Variants in NKAIN3 observed in about 807,000 individuals in gnomAD.
The protein encoded by NKAIN3 is sodium/potassium transporting ATPase interacting 3.
In NKAIN3, 25 loss-of-function variants were observed where a neutral mutation model predicts 30.2. The ratio of observed to expected loss-of-function variants is 0.83; its 90% confidence interval spans 0.60 to 1.16. The LOEUF (loss-of-function observed/expected upper bound fraction) is 1.16, where lower values mean the gene tolerates loss of function less well. Ranked by LOEUF, NKAIN3 falls within the 50% of genes most tolerant of loss-of-function variation. The pLI is 0.00. For synonymous variants in NKAIN3, 91 were observed against 89.6 expected, an observed-to-expected ratio of 1.02 and a Z score of -0.09; for missense variants, 225 against 254.1, an observed-to-expected ratio of 0.89 and a Z score of 0.78.
chr8:62,257,653 C>T (rs1812305374), intron 1 of NKAIN3, among the ~76,000 whole-genome samples: 1 of 152,140 alleles, frequency 6.6e-6, no homozygotes, highest in East Asian at 1.9e-4. Flanking sequence ...TCCATAGGGA[C>T]AGATTTCTAT....
intron 4 of NKAIN3, among the ~76,000 whole-genome samples, chr8:62,830,883 T>G (rs914534771): frequency 1.3e-5 from 2 of 152,214 alleles, no homozygotes; most frequent in Non-Finnish European, 2.9e-5. Context: ...TGCTTGTGCC[T>G]GCCATTGGTG....
chr8:62,579,035 A>C (rs1345357478), intron 1 of NKAIN3, among the ~76,000 whole-genome samples: 2 of 152,160 alleles, frequency 1.3e-5, no homozygotes, highest in Non-Finnish European at 1.5e-5. Context: ...AAAACAATTA[A>C]AATAGTGGAA....
At chr8:62,946,604 T>A (rs1296547064) in intron 5 of NKAIN3, among the ~76,000 whole-genome samples, 1 of 152,170 alleles carries the variant, frequency 6.6e-6, no homozygotes, top group Non-Finnish European at 1.5e-5. Flanking sequence ...TCAAGCCTCT[T>A]CCCCAGCTTT....
intron 4 of NKAIN3, among the ~76,000 whole-genome samples, chr8:62,851,167 T>A (rs1297702953): frequency 1.3e-5 from 2 of 152,160 alleles, no homozygotes; most frequent in African/African-American, 4.8e-5. Context: ...GAAGAGGTCC[T>A]TCACATCCCT....
chr8:62,816,918 C>T (rs984559030), intron 4 of NKAIN3, among the ~76,000 whole-genome samples: 1 of 152,160 alleles, frequency 6.6e-6, no homozygotes, highest in African/African-American at 2.4e-5. Flanking sequence ...GGCTCAGGAC[C>T]TGCAAGAGTT....
At chr8:62,657,441 A>C (rs1010943374) in intron 3 of NKAIN3, among the ~76,000 whole-genome samples, 3 of 152,242 alleles carry the variant, frequency 2.0e-5, no homozygotes, top group Non-Finnish European at 4.4e-5. Context: ...GCAAGAGAAC[A>C]GGACTTTCAC....
At chr8:62,792,376 T>C (rs1385127860) in intron 4 of NKAIN3, among the ~76,000 whole-genome samples, 1 of 152,190 alleles carries the variant, frequency 6.6e-6, no homozygotes. Flanking sequence ...GATTACAGAA[T>C]AAATTAGCAG....
intron 3 of NKAIN3, among the ~76,000 whole-genome samples, chr8:62,642,550 C>G (rs892162385): frequency 6.6e-6 from 1 of 152,030 alleles, no homozygotes; most frequent in Non-Finnish European, 1.5e-5. Flanking sequence ...TGGTACAATG[C>G]TAAACAATAT....
intron 4 of NKAIN3, among the ~76,000 whole-genome samples, chr8:62,854,588 T>C (rs1820005672): frequency 6.6e-6 from 1 of 152,232 alleles, no homozygotes; most frequent in Admixed American, 6.5e-5. Context: ...CCTCTGTGTG[T>C]CTTTGCATGT....
intron 1 of NKAIN3, among the ~76,000 whole-genome samples, chr8:62,302,373 T>A (rs1814079011): frequency 6.6e-6 from 1 of 152,122 alleles, no homozygotes; most frequent in Non-Finnish European, 1.5e-5. Context: ...TACAGGTCAA[T>A]ATTTCAAAGA....
intron 3 of NKAIN3, among the ~76,000 whole-genome samples, chr8:62,627,682 TCTC>T (rs1811833289): frequency 6.6e-6 from 1 of 152,006 alleles, no homozygotes; most frequent in South Asian, 2.1e-4. Context: ...AGCTTAAAAA[TCTC>T]CTTTTCTCTT....
At chr8:62,552,238 G>A (rs827706) in intron 1 of NKAIN3, among the ~76,000 whole-genome samples, 138,342 of 152,264 alleles carry the variant, frequency 0.91, 63,047 homozygotes, top group African/African-American at 0.97. Flanking sequence ...ATTTATTCTA[G>A]TTAACTTGGT....
intron 4 of NKAIN3, among the ~76,000 whole-genome samples, chr8:62,853,347 T>C (rs1819968655): frequency 6.6e-6 from 1 of 152,196 alleles, no homozygotes; most frequent in African/African-American, 2.4e-5. Context: ...CCTATGTGTG[T>C]CTCTGCACGT....
At chr8:62,816,057 G>T (rs114176418) in intron 4 of NKAIN3, among the ~76,000 whole-genome samples, 1,960 of 152,230 alleles carry the variant, frequency 0.013, 39 homozygotes, top group African/African-American at 0.043. Flanking sequence ...TTACTGAAGA[G>T]TTATTGTGTT....
chr8:62,554,261 C>T (rs1809314720), intron 1 of NKAIN3, among the ~76,000 whole-genome samples: 1 of 152,126 alleles, frequency 6.6e-6, no homozygotes, highest in Non-Finnish European at 1.5e-5. Context: ...GTTTTACTTA[C>T]ATCAGTGAGC....
intron 3 of NKAIN3, among the ~76,000 whole-genome samples, chr8:62,689,312 C>T (rs1324704027): frequency 6.6e-6 from 1 of 152,156 alleles, no homozygotes; most frequent in Non-Finnish European, 1.5e-5. Context: ...TAGGCTCCTG[C>T]TCACAGAACA....
intron 4 of NKAIN3, among the ~76,000 whole-genome samples, chr8:62,838,658 T>G (rs1819441823): frequency 1.3e-5 from 2 of 152,112 alleles, no homozygotes; most frequent in South Asian, 4.1e-4. Context: ...AAGCCTTTTG[T>G]ATTTGTGAGA....
At chr8:62,890,200 T>C (rs572115598) in intron 4 of NKAIN3, among the ~76,000 whole-genome samples, 1 of 152,316 alleles carries the variant, frequency 6.6e-6, no homozygotes, top group Admixed American at 6.5e-5. Context: ...AAGCCAACAT[T>C]TACTAAACAT....
intron 4 of NKAIN3, chr8:62,856,763 C>T: frequency 1.5e-6 from 1 of 666,812 alleles, no homozygotes; most frequent in Admixed American, 2.3e-5. Flanking sequence ...TTGCACCTGG[C>T]TTATCCAACT....
Sources: allele counts gnomAD v4.1 joint callset (sites outside exome capture counted in the v4.1 genomes callset), GRCh38; gene constraint gnomAD v4.1.1; transcripts MANE v1.5; gene names NCBI Gene and HGNC (gene_info 2026-07-23, HGNC 2026-07-21).